The following ACAN variants were observed in gnomAD, a reference collection of about 807,000 sequenced individuals.
The protein encoded by ACAN is aggrecan core protein.
ACAN carries 47 observed loss-of-function variants against 169.1 expected under a neutral mutation model. The ratio of observed to expected loss-of-function variants is 0.28; its 90% CI spans 0.22 to 0.35. ACAN has a LOEUF of 0.35. Among genes scored for constraint, ACAN ranks in the 10% least tolerant of loss-of-function variants. The pLI is 1.00. For synonymous variants in ACAN, 1,115 were observed against 1,112.2 expected, an observed-to-expected ratio of 1.00 and a Z score of -0.05; for missense variants, 2,716 against 2,759.9, an observed-to-expected ratio of 0.98 and a Z score of 0.36.
chr15:88,862,776 T>C (rs1195348829), intron 13 of ACAN, among the ~76,000 whole-genome samples: 1 of 152,122 alleles, frequency 6.6e-6, no homozygotes, highest in African/African-American at 2.4e-5. Flanking sequence ...GGCGGATGGA[T>C]TGCCTGAGGT....
chr15:88,873,686 G>T lies in ACAN; in HGVS notation c.7448-156G>T. 1.4e-6 allele frequency: 1 copy of T among 726,014 alleles called. No homozygotes were observed. 45.0% of individuals were successfully genotyped at this position (726,014 alleles called of 1,614,324 possible). On this transcript the variant is annotated intron_variant, in intron 17 of 18. Transcript: ENST00000560601. This position sits in a 1 kb window ranked among gnomAD's most constrained non-coding sequence, Gnocchi z 7.5. ...ATTGTTGAGGAACCCAGATGTTACA[G>T]CCAGCGGCTTCCAGATTCTTAGCGC...
At position 88,841,740 on chromosome 15, in the gene ACAN, A is replaced by T; in HGVS notation, c.630A>T (p.Arg210Ser). Residue 210 changes from arginine to serine, a missense_variant and splice_region_variant, in exon 5 of 19, where the codon AGA (arginine) becomes AGT (serine). Arg to Ser is a moderately radical substitution (Grantham distance 110). Around this residue, in one of 3 missense-constraint regions of ACAN, gnomAD observed 1,283 missense variants for 1,281.5 expected, o/e 1.00. Coordinates refer to ENST00000560601, the MANE Select transcript of ACAN (RefSeq NM_001369268.1). ...CACCTCCATTTCGGGTTCCTGGCAG[A>T]TACCCCATCCACACTCCCCGGGAAG... ...DAGWLADQTV[R>S]YPIHTPREGC... The T allele has an allele frequency of 1.9e-6, 3 of 1,613,750 alleles. No individual in the cohort carries two copies. The highest frequency in any genetic ancestry group is 1.7e-6 in the Non-Finnish European group (2 of 1,179,838).
At chr15:88,841,067 C>T (rs1366382573) in intron 4 of ACAN, among the ~76,000 whole-genome samples, 2 of 152,220 alleles carry the variant, frequency 1.3e-5, no homozygotes, top group African/African-American at 4.8e-5. Context: ...ATGGCGTGAA[C>T]CCGGGAGGTG....
intron 1 of ACAN, among the ~76,000 whole-genome samples, chr15:88,821,341 G>A (rs1896071007): frequency 6.6e-6 from 1 of 152,148 alleles, no homozygotes; most frequent in South Asian, 2.1e-4. Context: ...TGGGGGATGA[G>A]GGGTGGTCTC....
intron 1 of ACAN, among the ~76,000 whole-genome samples, chr15:88,819,695 A>G (rs1447743070): frequency 6.6e-6 from 1 of 151,952 alleles, no homozygotes; most frequent in East Asian, 1.9e-4. Flanking sequence ...GAACCCAGGA[A>G]TTGAAGGCTG....
chr15:88,857,636 T>G lies in ACAN; in HGVS notation c.5051T>G (p.Ile1684Ser). 1 of 1,614,000 alleles carries G rather than the reference T, an allele frequency of 6.2e-7. No individual in the cohort carries two copies. Among genetic ancestry groups the G allele is most frequent in the Non-Finnish European group, 8.5e-7 (1 of 1,179,892 alleles). The part of the protein sequence containing the change: ...TASELEGRGT[I>S]GISGAGEISG... ...AGTGAACTGGAAGGGAGGGGAACCA[T>G]TGGCATCAGTGGTGCAGGAGAAATA... Residue 1684 changes from isoleucine to serine, a missense_variant, in exon 12 of 19, where the codon ATT (isoleucine) becomes AGT (serine). Ile to Ser is a moderately radical substitution (Grantham distance 142). This residue lies in a region of ACAN where 1,389 missense variants were observed against 1,363.7 expected (regional missense o/e 1.02). Coordinates refer to ENST00000560601, the MANE Select transcript of ACAN (RefSeq NM_001369268.1).
At chr15:88,847,841 C>T in intron 8 of ACAN, 70 bp from the exon 9 acceptor site, 1 of 1,535,152 alleles carries the variant, frequency 6.5e-7, no homozygotes, top group South Asian at 1.3e-5. Flanking sequence ...CCTCTGGCCT[C>T]AGCCCAGGGC....
At chr15:88,826,788 T>C (rs1257774070) in intron 1 of ACAN, among the ~76,000 whole-genome samples, 1 of 152,162 alleles carries the variant, frequency 6.6e-6, no homozygotes, top group Admixed American at 6.5e-5. Flanking sequence ...CCCCCTTGAT[T>C]TATATTTGTT....
At chr15:88,852,984 T>C (rs751404696) in intron 11 of ACAN, among the ~76,000 whole-genome samples, 1 of 152,228 alleles carries the variant, frequency 6.6e-6, no homozygotes, top group Non-Finnish European at 1.5e-5. Context: ...GGTGCTCTTC[T>C]GGGCATTGGA....
chr15:88,853,765 CAT>C (rs1896984819), intron 11 of ACAN, among the ~76,000 whole-genome samples: 1 of 147,320 alleles, frequency 6.8e-6, no homozygotes, highest in Non-Finnish European at 1.5e-5. Context: ...TACATACATA[CAT>C]ACATACATAC....
intron 1 of ACAN, among the ~76,000 whole-genome samples, chr15:88,826,007 A>G: frequency 6.6e-6 from 1 of 152,330 alleles, no homozygotes; most frequent in South Asian, 2.1e-4. Context: ...AAGAGGCTTC[A>G]AAACACCCCT....
Position 88,869,244 on chromosome 15 carries a change from G to T in ACAN, c.7060+915G>T, listed in dbSNP as rs1897329555. Reference sequence around the variant, plus strand: ...CAGTGGCCCAGACAGAACTGGAAGTGTGTAGGGGCTTAAAATCCTTTTCAA... The same window carrying T: ...CAGTGGCCCAGACAGAACTGGAAGTTTGTAGGGGCTTAAAATCCTTTTCAA... On this transcript the variant is annotated intron_variant, in intron 14 of 18. Coordinates refer to ENST00000560601, the MANE Select transcript of ACAN (RefSeq NM_001369268.1). This position sits in a 1 kb window ranked among gnomAD's most constrained non-coding sequence, Gnocchi z 4.2. Among the ~76,000 whole-genome samples the T allele has an allele frequency of 6.6e-6, 1 of 152,214 alleles. No individual in the cohort carries two copies. The highest frequency in any genetic ancestry group is 6.5e-5 in the Admixed American group (1 of 15,280).
At chr15:88,830,467 G>A (rs1896331327) in intron 1 of ACAN, among the ~76,000 whole-genome samples, 1 of 152,090 alleles carries the variant, frequency 6.6e-6, no homozygotes, top group African/African-American at 2.4e-5. Flanking sequence ...TAGGCCATAT[G>A]GTATAACCTA....
At chr15:88,852,898 T>C (rs1385179701) in intron 11 of ACAN, among the ~76,000 whole-genome samples, 1 of 152,194 alleles carries the variant, frequency 6.6e-6, no homozygotes, top group Non-Finnish European at 1.5e-5. Context: ...GAAAGGAGTA[T>C]ATCCGAGCTC....
Position 88,873,707 on chromosome 15 carries a change from A to T in ACAN, c.7448-135A>T. ...TACAGCCAGCGGCTTCCAGATTCTT[A>T]GCGCTGCATGAAAACGTCCAGGGCT... On this transcript the variant is annotated intron_variant, in intron 17 of 18. Coordinates refer to ENST00000560601, the MANE Select transcript of ACAN (RefSeq NM_001369268.1). This position sits in a 1 kb window ranked among gnomAD's most constrained non-coding sequence, Gnocchi z 7.5. 1 of 895,980 alleles carries T rather than the reference A, an allele frequency of 1.1e-6. No individual in the cohort carries two copies. Among genetic ancestry groups the T allele is most frequent in the Non-Finnish European group, 1.7e-6 (1 of 597,304 alleles). The allele number at this position is 895,980 out of a possible 1,614,324, so 55.5% of individuals were successfully genotyped here.
At chr15:88,824,521 G>A (rs566345709) in intron 1 of ACAN, among the ~76,000 whole-genome samples, 1 of 152,274 alleles carries the variant, frequency 6.6e-6, no homozygotes, top group African/African-American at 2.4e-5. Context: ...CCCTCATGGG[G>A]TGTATATTCA....
In ACAN at chr15:88,857,296, T is replaced by C. The variant is rs1292629085; in HGVS notation, c.4711T>C (p.Ser1571Pro). The C allele has an allele frequency of 6.2e-7, 1 of 1,613,554 alleles. No individual in the cohort carries two copies. Among genetic ancestry groups the C allele is most frequent in the Non-Finnish European group, 8.5e-7 (1 of 1,179,818 alleles). The stretch of plus-strand genomic sequence containing the variant: ...AGGGACTGACCTCAGTGGGCTTCCT[T>C]CTGGAAGGGAGGGTCTAGAGACTTC... ...EVGTDLSGLP[S>P]GREGLETSAS... Residue 1571 changes from serine to proline, a missense_variant, in exon 12 of 19, where the codon TCT becomes CCT. Physicochemically the swap from Ser to Pro is moderately conservative, Grantham distance 74. Around this residue, in one of 3 missense-constraint regions of ACAN, gnomAD observed 1,389 missense variants for 1,363.7 expected, o/e 1.02. Coordinates refer to ENST00000560601, the MANE Select transcript of ACAN (RefSeq NM_001369268.1).
chr15:88,848,664 T>C (rs1896855134), intron 9 of ACAN, among the ~76,000 whole-genome samples: 3 of 152,260 alleles, frequency 2.0e-5, no homozygotes, highest in African/African-American at 7.2e-5. Context: ...ATTTCATTTC[T>C]TTTAATTTCC....
At position 88,843,789 on chromosome 15, in the gene ACAN, C is replaced by G; in HGVS notation, c.1051+141C>G. 1 of 1,057,138 alleles carries G rather than the reference C, an allele frequency of 9.5e-7. No individual in the cohort carries two copies. Among genetic ancestry groups the G allele is most frequent in the Non-Finnish European group, 1.3e-6 (1 of 760,134 alleles). The allele number at this position is 1,057,138 out of a possible 1,614,324, so 65.5% of individuals were successfully genotyped here. ...ACCTGAACCCCATGTTTTTAGGACA[C>G]CCCTCCATTTTCACTGGTTCCTAGG... is the stretch of plus-strand genomic sequence containing the variant. On this transcript the variant is annotated intron_variant, in intron 6 of 18. Coordinates refer to ENST00000560601, the MANE Select transcript of ACAN (RefSeq NM_001369268.1). The surrounding 1 kb of genome is among the most constrained non-coding windows in gnomAD (Gnocchi z 4.0).
Sources: allele counts gnomAD v4.1 joint callset (sites outside exome capture counted in the v4.1 genomes callset), GRCh38; gene constraint gnomAD v4.1.1; regional missense constraint gnomAD v4.1.1; non-coding constraint Gnocchi (gnomAD v3.1); transcripts MANE v1.5; gene names NCBI Gene and HGNC (gene_info 2026-07-23, HGNC 2026-07-21).